The following ERN1 variants were observed in gnomAD, a reference collection of about 807,000 sequenced individuals.
ERN1 encodes the protein serine/threonine-protein kinase/endoribonuclease IRE1.
In ERN1, 39 loss-of-function variants were observed where a neutral mutation model predicts 113.1. That is an observed-to-expected ratio of 0.34 (90% CI 0.27 to 0.45). The LOEUF (loss-of-function observed/expected upper bound fraction) is 0.45. Among genes scored for constraint, ERN1 ranks in the 20% least tolerant of loss-of-function variants. ERN1 has a pLI of 1.00. For synonymous variants in ERN1, 507 were observed against 515.9 expected (o/e 0.98, Z 0.23); for missense variants, 976 against 1,274.8 (o/e 0.77, Z 3.57).
chr17:64,098,752 AAAGAT>A (rs1477977619), intron 1 of ERN1, among the ~76,000 whole-genome samples: 8 of 152,216 alleles, frequency 5.3e-5, no homozygotes, highest in Non-Finnish European at 1.2e-4. Flanking sequence ...AGATTCCAGT[AAAGAT>A]ATGTTATAAA....
At chr17:64,050,139 C>T (rs910000272) in intron 17 of ERN1, among the ~76,000 whole-genome samples, 3 of 152,164 alleles carry the variant, frequency 2.0e-5, no homozygotes, top group Admixed American at 1.3e-4. Context: ...TGTGATAAAC[C>T]AGGATGGGAC....
chr17:64,076,127 T>A (rs758514514), intron 4 of ERN1, among the ~76,000 whole-genome samples: 28 of 152,252 alleles, frequency 1.8e-4, no homozygotes, highest in Admixed American at 1.1e-3. Context: ...ATCATAAAAC[T>A]GATTCTTCTG....
At chr17:64,079,981 T>G (rs955755185) in intron 3 of ERN1, among the ~76,000 whole-genome samples, 3 of 152,188 alleles carry the variant, frequency 2.0e-5, no homozygotes, top group Admixed American at 2.0e-4. Context: ...GGAAAAATCA[T>G]ACAAAACCAT....
intron 1 of ERN1, among the ~76,000 whole-genome samples, chr17:64,125,043 T>G (rs1167706465): frequency 6.6e-6 from 1 of 152,156 alleles, no homozygotes; most frequent in Non-Finnish European, 1.5e-5. Flanking sequence ...TGTTCTAAAA[T>G]GGACTGTGGT....
intron 1 of ERN1, among the ~76,000 whole-genome samples, chr17:64,114,759 C>A (rs1349432145): frequency 1.3e-5 from 2 of 151,978 alleles, no homozygotes; most frequent in African/African-American, 4.8e-5. Flanking sequence ...AATACACCAA[C>A]CACAATCTGT....
chr17:64,094,339 T>A (rs1358052656), intron 2 of ERN1, among the ~76,000 whole-genome samples: 1 of 152,304 alleles, frequency 6.6e-6, no homozygotes, highest in East Asian at 1.9e-4. Flanking sequence ...TCAGCGTGTG[T>A]CCGAGCATTT....
intron 4 of ERN1, among the ~76,000 whole-genome samples, chr17:64,078,807 C>G (rs1271205934): frequency 6.6e-6 from 1 of 152,020 alleles, no homozygotes; most frequent in East Asian, 1.9e-4. Flanking sequence ...AAGTTGGAGA[C>G]CAGCCTAGGC....
intron 12 of ERN1, among the ~76,000 whole-genome samples, chr17:64,057,193 C>A (rs950300139): frequency 5.3e-5 from 8 of 152,160 alleles, no homozygotes; most frequent in African/African-American, 1.4e-4. Flanking sequence ...CATCTATTAT[C>A]CTTATTCTTT....
intron 10 of ERN1, among the ~76,000 whole-genome samples, 162 bp from the exon 11 acceptor site, chr17:64,060,749 C>A (rs1913029598): frequency 6.6e-6 from 1 of 152,196 alleles, no homozygotes; most frequent in Non-Finnish European, 1.5e-5. Flanking sequence ...CCAGAAAATT[C>A]CATCAAAGCA....
chr17:64,114,146 C>T (rs960127404), intron 1 of ERN1, among the ~76,000 whole-genome samples: 14 of 147,478 alleles, frequency 9.5e-5, no homozygotes, highest in Non-Finnish European at 1.6e-4. Flanking sequence ...GCCTAATATA[C>T]AGTAAGCATC....
chr17:64,041,848 A>G lies in ERN1; in HGVS notation c.*2140T>C, dbSNP rs1184145740. 6.6e-6 allele frequency: 1 copy of G among 152,226 alleles called. No individual in the cohort carries two copies. Among genetic ancestry groups the G allele is most frequent in the African/African-American group, 2.4e-5 (1 of 41,454 alleles). 9.4% of individuals were successfully genotyped at this position (152,226 alleles called of 1,614,324 possible). ...TACACTAAGTGCTCAAATAAAATACATTGAATAAATGATTTTGAGAAATCT... is the reference window on the plus strand; with the variant it reads ...TACACTAAGTGCTCAAATAAAATACGTTGAATAAATGATTTTGAGAAATCT... On this transcript the variant is annotated 3_prime_UTR_variant, in exon 22 of 22. Transcript: ENST00000433197.
chr17:64,085,055 C>T (rs761803859), intron 2 of ERN1, among the ~76,000 whole-genome samples: 1 of 152,150 alleles, frequency 6.6e-6, no homozygotes, highest in Non-Finnish European at 1.5e-5. Flanking sequence ...ACTCTGGCCA[C>T]GGAGGGTTGG....
chr17:64,100,138 C>T (rs1403901343), intron 1 of ERN1, among the ~76,000 whole-genome samples: 2 of 152,138 alleles, frequency 1.3e-5, no homozygotes, highest in Non-Finnish European at 2.9e-5. Context: ...CAGATGGTGA[C>T]AAGCCACCTG....
intron 5 of ERN1, 69 bp downstream of exon 5, chr17:64,075,106 C>A: frequency 7.6e-7 from 1 of 1,309,922 alleles, no homozygotes; most frequent in Non-Finnish European, 1.1e-6. Context: ...TCTCTCTCCG[C>A]ATGCCACTTT....
Position 64,075,186 on chromosome 17 carries a change from A to T in ERN1, c.344T>A (p.Ile115Asn). Residue 115 changes from isoleucine (I) to asparagine (N), a missense_variant, in exon 5 of 22, where the codon ATC becomes AAC. By Grantham distance (149) the Ile-to-Asn change is moderately radical. This residue lies in a region of ERN1 where 459 missense variants were observed against 581.2 expected (regional missense o/e 0.79). Coordinates refer to ENST00000433197, the MANE Select transcript of ERN1 (RefSeq NM_001433.5). The stretch of plus-strand genomic sequence containing the variant: ...ACAGGAACTCTTACCCATGTAGAGG[A>T]TTCCATCTGAACTTCGGCATGGGGA... ...QASPCRSSDG[I>N]LYMGKKQDIW... is the part of the protein sequence containing the mutation. 6.5e-7 allele frequency: 1 copy of T among 1,535,806 alleles called. No homozygotes were observed. Among genetic ancestry groups the T allele is most frequent in the Non-Finnish European group, 8.8e-7 (1 of 1,138,730 alleles).
rs1567864413 is a variant in ERN1, at chr17:64,057,942, G to A, written c.1258C>T (p.Arg420Trp). The A allele has an allele frequency of 6.2e-6, 10 of 1,606,416 alleles. No individual in the cohort carries two copies. Among genetic ancestry groups the A allele is most frequent in the Non-Finnish European group, 7.7e-6 (9 of 1,176,394 alleles). The change falls in exon 12 of 22, where the codon CGG becomes TGG. Residue 420 changes from arginine (R) to tryptophan (W), a missense_variant. By Grantham distance (101) the Arg-to-Trp change is moderately radical. Coordinates refer to ENST00000433197, the MANE Select transcript of ERN1 (RefSeq NM_001433.5). ...TGGGCGGGCTTCTCCTCCACATCCC[G>A]AGACACGGTGGTAGGTGCGTTTTCT... ...TSENAPTTVS[R>W]DVEEKPAHAP... is the part of the protein sequence containing the mutation.
At chr17:64,072,674 G>T (rs760326835) in intron 5 of ERN1, among the ~76,000 whole-genome samples, 8 of 152,262 alleles carry the variant, frequency 5.3e-5, no homozygotes, top group African/African-American at 1.2e-4. Flanking sequence ...CAGCCAGTAA[G>T]TAATTCCCTG....
Position 64,129,997 on chromosome 17 carries a change from C to A in ERN1, c.33G>T (p.Thr11=). The stretch of plus-strand genomic sequence containing the variant: ...TCACCCCGAGGCCGGGCAGCAGCAG[C>A]GTCAGCAGCAGCAGCAGCCGCCGGG... MPARRLLLLL[T]LLLPGLGIFG... The change falls in exon 1 of 22, where the codon ACG becomes ACT. Residue 11 remains threonine (T), a synonymous_variant. Transcript: ENST00000433197. The A allele has an allele frequency of 6.9e-7, 1 of 1,448,710 alleles. No homozygotes were observed. Among genetic ancestry groups the A allele is most frequent in the Non-Finnish European group, 9.0e-7 (1 of 1,106,380 alleles). 89.7% of individuals were successfully genotyped at this position (1,448,710 alleles called of 1,614,324 possible).
chr17:64,106,298 A>C (rs1914525206), intron 1 of ERN1, among the ~76,000 whole-genome samples: 1 of 152,272 alleles, frequency 6.6e-6, no homozygotes, highest in Non-Finnish European at 1.5e-5. Flanking sequence ...ATTTTGTTTT[A>C]CTGCCCAGTT....
Sources: gnomAD v4.1 joint callset for allele counts (sites outside exome capture counted in the v4.1 genomes callset) on GRCh38, gnomAD v4.1.1 for gene constraint, gnomAD v4.1.1 regional missense constraint, MANE v1.5 for transcripts, NCBI Gene and HGNC (gene_info 2026-07-23, HGNC 2026-07-21) for gene names.